The following EYS variants were observed in gnomAD, a reference collection of about 807,000 sequenced individuals.
EYS encodes EGF-like photoreceptor maintenance factor, also known as protein eyes shut homolog.
EYS carries 250 observed loss-of-function variants against 282.1 expected under a neutral mutation model. That is an observed-to-expected ratio of 0.89 (90% CI 0.80 to 0.98). EYS has a LOEUF of 0.98. EYS is among the 50% of genes least tolerant of loss of function. The probability of loss-of-function intolerance (pLI) is 0.00; values close to 1 mark genes in which losing one functional copy is unlikely to be tolerated. For missense variants in EYS, 4,016 were observed against 3,709.0 expected (o/e 1.08, Z -2.15); for synonymous variants, 1,355 against 1,282.9 (o/e 1.06, Z -1.20).
chr6:65,659,192 T>C (rs1283137870), intron 1 of EYS, among the ~76,000 whole-genome samples: 1 of 151,710 alleles, frequency 6.6e-6, no homozygotes, highest in African/African-American at 2.4e-5. Context: ...CAGATAACTT[T>C]TTTAACTTCC....
chr6:65,004,315 T>C (rs1242634155), intron 13 of EYS, among the ~76,000 whole-genome samples: 2 of 147,590 alleles, frequency 1.4e-5, no homozygotes, highest in Admixed American at 6.7e-5. Context: ...GGGTACTTAG[T>C]GAAGATAACT....
intron 2 of EYS, among the ~76,000 whole-genome samples, chr6:65,550,041 C>A (rs572703589): frequency 2.3e-4 from 35 of 151,592 alleles, no homozygotes; most frequent in African/African-American, 8.0e-4. Context: ...TAGACAGATG[C>A]TTTTTGTCCA....
intron 24 of EYS, 113 bp from the exon 25 acceptor site, chr6:64,593,422 C>T: frequency 1.5e-6 from 1 of 651,612 alleles, no homozygotes; most frequent in Non-Finnish European, 2.4e-6. Context: ...TTGGATAGCT[C>T]AAATAAAATA....
At chr6:64,561,398 G>A (rs1304789659) in intron 26 of EYS, among the ~76,000 whole-genome samples, 1 of 152,112 alleles carries the variant, frequency 6.6e-6, no homozygotes, top group Non-Finnish European at 1.5e-5. Context: ...TCTGTTTGCA[G>A]ACAACATGAT....
intron 5 of EYS, among the ~76,000 whole-genome samples, chr6:65,406,032 C>T (rs1418827186): frequency 6.6e-6 from 1 of 151,958 alleles, no homozygotes; most frequent in Non-Finnish European, 1.5e-5. Flanking sequence ...TTTAACATTC[C>T]CACCAGTGAT....
chr6:65,433,418 T>A (rs438633), intron 5 of EYS, among the ~76,000 whole-genome samples: 123,711 of 151,734 alleles, frequency 0.82, 51,282 homozygotes, highest in East Asian at 1. Flanking sequence ...GTACATGATT[T>A]AAAAAAAACA....
At chr6:64,887,274 C>A (rs529440555) in intron 18 of EYS, among the ~76,000 whole-genome samples, 1 of 99,572 alleles carries the variant, frequency 1.0e-5, no homozygotes, top group Admixed American at 1.6e-4. Flanking sequence ...ACACCGGGGA[C>A]TGTTGTGGGG....
At chr6:65,555,588 T>C (rs1391278040) in intron 2 of EYS, among the ~76,000 whole-genome samples, 1 of 152,186 alleles carries the variant, frequency 6.6e-6, no homozygotes. Context: ...AATTTTACTT[T>C]GAAGTTGTGA....
chr6:64,200,259 C>A (rs144958849), intron 31 of EYS, among the ~76,000 whole-genome samples: 1 of 151,844 alleles, frequency 6.6e-6, no homozygotes, highest in Non-Finnish European at 1.5e-5. Flanking sequence ...ATGGTGGACA[C>A]GTGACATGAT....
intron 31 of EYS, among the ~76,000 whole-genome samples, chr6:64,175,508 T>C (rs2150309120): frequency 6.6e-6 from 1 of 152,302 alleles, no homozygotes; most frequent in East Asian, 1.9e-4. Flanking sequence ...ACGTAAATTA[T>C]TACTTCTCCA....
chr6:64,199,145 A>C (rs1395448301), intron 31 of EYS, among the ~76,000 whole-genome samples: 2 of 152,204 alleles, frequency 1.3e-5, no homozygotes, highest in Non-Finnish European at 2.9e-5. Flanking sequence ...CTAAGCAAAA[A>C]GAAAAGCCAG....
intron 1 of EYS, among the ~76,000 whole-genome samples, chr6:65,653,229 G>T: frequency 6.6e-6 from 1 of 151,806 alleles, no homozygotes; most frequent in East Asian, 1.9e-4. Context: ...TGACAGGGTT[G>T]CCCAGAAAAT....
intron 35 of EYS, among the ~76,000 whole-genome samples, chr6:63,905,336 T>C (rs925076842): frequency 2.7e-5 from 4 of 148,294 alleles, no homozygotes; most frequent in African/African-American, 7.4e-5. Flanking sequence ...TTTCTTTTTT[T>C]TTTTTTTTTT....
rs145926603 is a variant in EYS at position 65,346,850 on chromosome 6, T to C, written c.1460-2673A>G. Among the ~76,000 whole-genome samples, 99 of 151,864 alleles carry C rather than the reference T, an allele frequency of 6.5e-4. 2 individuals are homozygous for C. The highest frequency in any genetic ancestry group is 2.0e-3 in the African/African-American group (84 of 41,480). ...CACAGAAATAAACACAAATTATATATAAAGAAGCACAAGGTTGTCTACTAT... is the reference window on the plus strand; with the variant it reads ...CACAGAAATAAACACAAATTATATACAAAGAAGCACAAGGTTGTCTACTAT... On this transcript the variant is annotated intron_variant, in intron 9 of 42. Transcript: ENST00000503581.
intron 14 of EYS, among the ~76,000 whole-genome samples, chr6:64,993,584 G>A (rs925506682): frequency 1.8e-5 from 2 of 110,658 alleles, no homozygotes; most frequent in Non-Finnish European, 3.5e-5. Context: ...TGTGGGGTGG[G>A]GGGAGGGGGG....
chr6:64,365,343 G>A (rs689092), intron 29 of EYS, among the ~76,000 whole-genome samples: 1 of 151,756 alleles, frequency 6.6e-6, no homozygotes, highest in South Asian at 2.1e-4. Flanking sequence ...TTGAAGCTGT[G>A]TCAGCAGAGA....
intron 15 of EYS, among the ~76,000 whole-genome samples, chr6:64,922,763 G>A (rs1768389784): frequency 6.6e-6 from 1 of 152,022 alleles, no homozygotes; most frequent in South Asian, 2.1e-4. Flanking sequence ...AGGGTGTCCT[G>A]GCATCTTAGC....
chr6:65,219,902 T>C (rs930281294), intron 12 of EYS, among the ~76,000 whole-genome samples: 10 of 152,090 alleles, frequency 6.6e-5, no homozygotes, highest in African/African-American at 2.4e-4. Flanking sequence ...ATGAGAACAG[T>C]ATGGGGAAAA....
At chr6:64,232,079 A>T (rs974463727) in intron 30 of EYS, among the ~76,000 whole-genome samples, 2 of 152,196 alleles carry the variant, frequency 1.3e-5, no homozygotes, top group African/African-American at 4.8e-5. Context: ...TTTAAAGAAG[A>T]TGAAATAGAT....
Sources: gnomAD v4.1 joint callset for allele counts (sites outside exome capture counted in the v4.1 genomes callset) on GRCh38, gnomAD v4.1.1 for gene constraint, MANE v1.5 for transcripts, NCBI Gene and HGNC (gene_info 2026-07-23, HGNC 2026-07-21) for gene names.